RNF126: variants seen among roughly 807,000 people sequenced by gnomAD.
The protein encoded by RNF126 is ring finger protein 126.
RNF126 carries 20 observed loss-of-function variants against 41.9 expected under a neutral mutation model. That is an observed-to-expected ratio of 0.48 (90% CI 0.34 to 0.69). RNF126 has a LOEUF of 0.69. Among genes scored for constraint, RNF126 ranks in the 30% least tolerant of loss-of-function variants. The pLI is 0.01. For synonymous variants in RNF126, 239 were observed against 202.9 expected (o/e 1.18, Z -1.51); for missense variants, 433 against 460.6 (o/e 0.94, Z 0.55).
At chr19:651,267 C>T (rs2030266179) in intron 4 of RNF126, 1 of 195,214 alleles carries the variant, frequency 5.1e-6, no homozygotes, top group Non-Finnish European at 1.0e-5. Flanking sequence ...CTCCGTTCCA[C>T]CAGGAGTGGG....
At chr19:656,668 A>AAAGGGG (rs2030573600) in intron 1 of RNF126, among the ~76,000 whole-genome samples, 1 of 151,936 alleles carries the variant, frequency 6.6e-6, no homozygotes, top group African/African-American at 2.4e-5. Flanking sequence ...AGAAAAAGGG[A>AAAGGGG]AAGGGGAAGG....
intron 4 of RNF126, 32 bp from the exon 5 acceptor site, chr19:650,328 GC>G: frequency 6.4e-7 from 1 of 1,557,138 alleles, no homozygotes; most frequent in Non-Finnish European, 8.7e-7. Flanking sequence ...ACGGGGTGAG[GC>G]CGCCCCACGC....
intron 2 of RNF126, chr19:652,593 G>A (rs2030365842): frequency 1.6e-6 from 1 of 608,064 alleles, no homozygotes; most frequent in South Asian, 2.0e-5. Context: ...CGCCGAGGCT[G>A]AGGGAGGTGA....
chr19:654,598 G>T (rs997922668), intron 1 of RNF126, among the ~76,000 whole-genome samples: 27 of 132,674 alleles, frequency 2.0e-4, no homozygotes, highest in African/African-American at 7.7e-4. Flanking sequence ...AGCTGAGATT[G>T]TGCCATTGCA....
chr19:663,179 T>C lies in RNF126; in HGVS notation c.-58A>G. 1.2e-6 allele frequency: 1 copy of C among 815,294 alleles called. No homozygotes were observed. The highest frequency in any genetic ancestry group is 1.6e-6 in the Non-Finnish European group (1 of 639,636). The allele number at this position is 815,294 out of a possible 1,614,324, so 50.5% of individuals were successfully genotyped here. On this transcript the variant is annotated 5_prime_UTR_variant, in exon 1 of 9. Transcript: ENST00000292363. ...CCCGCGCGGCACCCGCCGCCGGCCG[T>C]TTGCTGCTCCCTCGCCGGCCGACGC...
intron 1 of RNF126, among the ~76,000 whole-genome samples, chr19:658,622 G>C (rs552787681): frequency 6.6e-6 from 1 of 152,296 alleles, no homozygotes; most frequent in South Asian, 2.1e-4. Context: ...CTCAGCAGCT[G>C]CCACCACATC....
chr19:652,156 G>T, intron 3 of RNF126, 77 bp downstream of exon 3: 1 of 1,213,822 alleles, frequency 8.2e-7, no homozygotes, highest in Non-Finnish European at 1.1e-6. Flanking sequence ...CCGGGGAGGC[G>T]AGGTGGGGAC....
chr19:648,934 A>T lies in RNF126; in HGVS notation c.618T>A (p.Asp206Glu), dbSNP rs759399270. The stretch of plus-strand genomic sequence containing the variant: ...TGGGGAGGGCCTGGATTTTCTCTTT[A>T]TCTGCCGGTGGGGGGCCTGTGTTTT... ...QFENTGPPPA[D>E]KEKIQALPTV... The change falls in exon 7 of 9, where the codon GAT (aspartate) becomes GAA (glutamate). Residue 206 changes from aspartate (D) to glutamate (E), a missense_variant. Coordinates refer to ENST00000292363, the MANE Select transcript of RNF126 (RefSeq NM_194460.3). The T allele has an allele frequency of 7.1e-7, 1 of 1,410,262 alleles. No individual in the cohort carries two copies. Among genetic ancestry groups the T allele is most frequent in the Admixed American group, 2.8e-5 (1 of 35,840 alleles). The allele number at this position is 1,410,262 out of a possible 1,614,324, so 87.4% of individuals were successfully genotyped here.
intron 7 of RNF126, 43 bp downstream of exon 7, chr19:648,839 G>T: frequency 8.5e-7 from 1 of 1,179,208 alleles, no homozygotes. Context: ...CGTGGCGGCG[G>T]GTGCCTGTAA....
At position 652,244 on chromosome 19, in the gene RNF126, G is replaced by A. The variant is rs1455279094; in HGVS notation, c.187C>T (p.Pro63Ser). ...GGCGGGCGACTCACCTCCAACGGTG[G>A]CCGGCTCTGGTCTGTGGGAGCTGTG... is the stretch of plus-strand genomic sequence containing the variant. ...PSTAPTDQSR[P>S]PLEHVDQHLF... Residue 63 changes from proline to serine, a missense_variant, in exon 3 of 9, where the codon CCA becomes TCA. Physicochemically the swap from Pro to Ser is moderately conservative, Grantham distance 74. This residue lies in a region of RNF126 where 247 missense variants were observed against 224.7 expected (regional missense o/e 1.10). Coordinates refer to ENST00000292363, the MANE Select transcript of RNF126 (RefSeq NM_194460.3). The A allele has an allele frequency of 1.3e-6, 2 of 1,536,660 alleles. No homozygotes were observed. Among genetic ancestry groups the A allele is most frequent in the Non-Finnish European group, 1.7e-6 (2 of 1,153,328 alleles).
intron 2 of RNF126, 189 bp from the exon 3 acceptor site, chr19:652,485 C>T (rs532081713): frequency 4.9e-5 from 30 of 616,218 alleles, no homozygotes; most frequent in African/African-American, 1.1e-4. Flanking sequence ...ACGGGTTTCT[C>T]GATAAACCGG....
intron 1 of RNF126, among the ~76,000 whole-genome samples, chr19:660,605 A>G (rs2030757933): frequency 6.6e-6 from 1 of 152,062 alleles, no homozygotes; most frequent in Admixed American, 6.5e-5. Context: ...TCCCCAGAAC[A>G]AACGCCAGGT....
intron 3 of RNF126, 44 bp from the exon 4 acceptor site, chr19:651,899 G>A (rs915024823): frequency 4.5e-6 from 7 of 1,558,764 alleles, no homozygotes; most frequent in Non-Finnish European, 6.1e-6. Context: ...TCAGGCCCGT[G>A]CAGTCTGCTG....
At chr19:649,842 G>C (rs1040518438) in intron 5 of RNF126, 94 bp from the exon 6 acceptor site, 8 of 943,210 alleles carry the variant, frequency 8.5e-6, no homozygotes, top group Non-Finnish European at 1.3e-5. Context: ...CTGGGGATGG[G>C]GACAGGCACC....
chr19:653,225 T>C (rs2144764456), intron 1 of RNF126, among the ~76,000 whole-genome samples: 1 of 152,008 alleles, frequency 6.6e-6, no homozygotes, highest in African/African-American at 2.4e-5. Context: ...CTCACACAGG[T>C]GGCACCACTC....
intron 4 of RNF126, chr19:650,545 G>T: frequency 6.8e-6 from 2 of 292,248 alleles, no homozygotes; most frequent in Non-Finnish European, 6.3e-6. Flanking sequence ...AGCCTCCCAA[G>T]TAGCTGGGAC....
At chr19:652,326 G>T (rs374963832) in intron 2 of RNF126, 30 bp from the exon 3 acceptor site, 1 of 1,535,328 alleles carries the variant, frequency 6.5e-7, no homozygotes, top group Non-Finnish European at 8.8e-7. Flanking sequence ...CAGCAGTGCC[G>T]GCTACCCTGT....
At chr19:657,990 G>A (rs2030630397) in intron 1 of RNF126, among the ~76,000 whole-genome samples, 2 of 152,088 alleles carry the variant, frequency 1.3e-5, no homozygotes, top group South Asian at 4.1e-4. Flanking sequence ...TGGTGAAGGA[G>A]CTGCCCCACC....
intron 1 of RNF126, among the ~76,000 whole-genome samples, chr19:653,348 C>T (rs1427405791): frequency 6.6e-6 from 1 of 152,232 alleles, no homozygotes; most frequent in Non-Finnish European, 1.5e-5. Flanking sequence ...CACACCCCTG[C>T]AAGACCCCAT....
Sources: allele counts gnomAD v4.1 joint callset (sites outside exome capture counted in the v4.1 genomes callset), GRCh38; gene constraint gnomAD v4.1.1; regional missense constraint gnomAD v4.1.1; transcripts MANE v1.5; gene names NCBI Gene and HGNC (gene_info 2026-07-23, HGNC 2026-07-21).